Variants in VRTN observed in about 807,000 individuals in gnomAD.
The protein encoded by VRTN is vertnin.
VRTN carries 5 observed loss-of-function variants against 18.2 expected under a neutral mutation model. That is an observed-to-expected ratio of 0.27 (90% CI 0.14 to 0.58). The LOEUF (loss-of-function observed/expected upper bound fraction) is 0.58. Among genes scored for constraint, VRTN ranks in the 20% least tolerant of loss-of-function variants. VRTN has a pLI of 0.91. For synonymous variants in VRTN, 381 were observed against 393.7 expected (o/e 0.97, Z 0.38); for missense variants, 741 against 939.4 (o/e 0.79, Z 2.76).
intron 1 of VRTN, among the ~76,000 whole-genome samples, chr14:74,333,403 T>A (rs528530927): frequency 1.3e-5 from 2 of 149,396 alleles, no homozygotes; most frequent in African/African-American, 4.9e-5. Flanking sequence ...GGTGGGAGGA[T>A]CACTTGAACC....
intron 2 of VRTN, among the ~76,000 whole-genome samples, chr14:74,341,814 T>C (rs577066889): frequency 2.0e-5 from 3 of 152,322 alleles, no homozygotes; most frequent in Non-Finnish European, 4.4e-5. Context: ...CCACCACACC[T>C]GGCCGCATGT....
upstream of VRTN, among the ~76,000 whole-genome samples, chr14:74,344,352 G>A (rs1057101150): frequency 7.0e-6 from 1 of 143,868 alleles, no homozygotes; most frequent in Non-Finnish European, 1.5e-5. Flanking sequence ...CAAGGCTGCA[G>A]TGAGCCGTGA....
Position 74,358,397 on chromosome 14 carries a change from T to C in VRTN, c.1614T>C (p.Pro538=), listed in dbSNP as rs750820630. The change falls in exon 2 of 2, where the codon CCT becomes CCC. Residue 538 remains proline, a synonymous_variant. Coordinates refer to ENST00000256362, the MANE Select transcript of VRTN (RefSeq NM_018228.3). This position sits in a 1 kb window ranked among gnomAD's most constrained non-coding sequence, Gnocchi z 5.4. The stretch of plus-strand genomic sequence containing the variant: ...GCCTCCGCTACCCCAGCCTGTCACC[T>C]TCTGCCTTTTGGGTCTGGAAGAGTC... ...RFRLRYPSLS[P]SAFWVWKSLA... is the part of the protein sequence containing the mutation. 7.4e-5 allele frequency: 120 copies of C among 1,614,000 alleles called. No homozygotes were observed. Among genetic ancestry groups the C allele is most frequent in the Non-Finnish European group, 9.9e-5 (117 of 1,180,050 alleles).
intron 1 of VRTN, among the ~76,000 whole-genome samples, chr14:74,324,848 C>T (rs1336518935): frequency 6.6e-6 from 1 of 152,102 alleles, no homozygotes; most frequent in African/African-American, 2.4e-5. Flanking sequence ...GATCTCCCCA[C>T]TGCACTCCAG....
chr14:74,320,168 T>G (rs1403175544), intron 1 of VRTN, among the ~76,000 whole-genome samples: 1 of 151,656 alleles, frequency 6.6e-6, no homozygotes, highest in Non-Finnish European at 1.5e-5. Context: ...GAGGATTGCT[T>G]AAGCCTCAGT....
intron 1 of VRTN, among the ~76,000 whole-genome samples, chr14:74,353,561 C>T (rs889016277): frequency 6.6e-6 from 1 of 152,130 alleles, no homozygotes; most frequent in African/African-American, 2.4e-5. Context: ...GGTTTCAGGA[C>T]TCCTGTACGG....
chr14:74,321,394 A>G (rs1595165310), intron 1 of VRTN, among the ~76,000 whole-genome samples: 1 of 152,276 alleles, frequency 6.6e-6, no homozygotes, highest in South Asian at 2.1e-4. Flanking sequence ...TGAGGCATGG[A>G]AAGGATGGGG....
chr14:74,337,394 G>A (rs1239049970), intron 1 of VRTN, among the ~76,000 whole-genome samples: 4 of 151,854 alleles, frequency 2.6e-5, no homozygotes, highest in Non-Finnish European at 5.9e-5. Flanking sequence ...AACAAAAAAA[G>A]AAACTCTGGA....
At chr14:74,350,232 T>A (rs1269685244) in intron 1 of VRTN, among the ~76,000 whole-genome samples, 2 of 152,050 alleles carry the variant, frequency 1.3e-5, no homozygotes, top group East Asian at 3.8e-4. Flanking sequence ...AATCCATCTG[T>A]GGGTTGGGAG....
chr14:74,332,490 G>A (rs1238094226), intron 1 of VRTN, among the ~76,000 whole-genome samples: 10 of 151,476 alleles, frequency 6.6e-5, no homozygotes, highest in African/African-American at 2.2e-4. Context: ...GAGTAGCTGC[G>A]ATTACAGGTA....
chr14:74,339,883 C>G (rs931827174), intron 2 of VRTN, among the ~76,000 whole-genome samples: 1 of 152,052 alleles, frequency 6.6e-6, no homozygotes, highest in Non-Finnish European at 1.5e-5. Context: ...GGATTTAAGG[C>G]CTTTGTTTAC....
At chr14:74,314,099 C>A (rs916339453) in intron 1 of VRTN, among the ~76,000 whole-genome samples, 2 of 152,128 alleles carry the variant, frequency 1.3e-5, no homozygotes, top group African/African-American at 4.8e-5. Context: ...GACTGATTAA[C>A]AAGAGAAAAG....
In VRTN at chr14:74,358,019, C is replaced by T. The variant is rs1273922418; in HGVS notation, c.1236C>T (p.Cys412=). Residue 412 remains cysteine, a synonymous_variant, in exon 2 of 2, where the codon TGC becomes TGT. Coordinates refer to ENST00000256362, the MANE Select transcript of VRTN (RefSeq NM_018228.3). This position sits in a 1 kb window ranked among gnomAD's most constrained non-coding sequence, Gnocchi z 5.4. ...MQRAKLYLEH[C]ISLNTLVPYR... ...GGGCCAAGTTGTACCTGGAGCATTG[C>T]ATCTCCCTGAACACACTGGTACCCT... The T allele has an allele frequency of 6.2e-7, 1 of 1,614,104 alleles. No homozygotes were observed. Among genetic ancestry groups the T allele is most frequent in the African/African-American group, 1.3e-5 (1 of 74,938 alleles).
intron 1 of VRTN, among the ~76,000 whole-genome samples, chr14:74,316,278 G>A (rs2085419321): frequency 1.3e-5 from 2 of 152,128 alleles, no homozygotes; most frequent in African/African-American, 4.8e-5. Context: ...AGCACTTTGG[G>A]AGGCTGAGGT....
intron 1 of VRTN, among the ~76,000 whole-genome samples, chr14:74,307,022 G>A (rs893577341): frequency 6.6e-6 from 1 of 151,726 alleles, no homozygotes; most frequent in Non-Finnish European, 1.5e-5. Context: ...GTTTTAATGT[G>A]CATTATTTAA....
At chr14:74,329,997 G>C (rs1436088163) in intron 1 of VRTN, among the ~76,000 whole-genome samples, 1 of 151,586 alleles carries the variant, frequency 6.6e-6, no homozygotes, top group Non-Finnish European at 1.5e-5. Flanking sequence ...TCAGTCTCCT[G>C]AGTAGCTGGG....
intron 1 of VRTN, among the ~76,000 whole-genome samples, chr14:74,328,707 T>TA (rs1170184981): frequency 6.6e-6 from 1 of 152,082 alleles, no homozygotes; most frequent in Non-Finnish European, 1.5e-5. Context: ...TTAAAAAGAG[T>TA]AAGTTATTGG....
At chr14:74,333,137 C>A (rs920045274) in intron 1 of VRTN, among the ~76,000 whole-genome samples, 13 of 152,164 alleles carry the variant, frequency 8.5e-5, no homozygotes, top group Non-Finnish European at 1.5e-4. Context: ...AATCCCAGCA[C>A]TTTAGGAGGC....
chr14:74,333,300 T>C (rs2085541233), intron 1 of VRTN, among the ~76,000 whole-genome samples: 1 of 152,044 alleles, frequency 6.6e-6, no homozygotes, highest in African/African-American at 2.4e-5. Context: ...GGAGAACTGC[T>C]TGAACCCAGA....
Sources: gnomAD v4.1 joint callset for allele counts (sites outside exome capture counted in the v4.1 genomes callset) on GRCh38, gnomAD v4.1.1 for gene constraint, Gnocchi (gnomAD v3.1) non-coding constraint, MANE v1.5 for transcripts, NCBI Gene and HGNC (gene_info 2026-07-23, HGNC 2026-07-21) for gene names.